Variants in ELF2 observed in about 807,000 individuals in gnomAD.
ELF2 encodes the protein ETS-related transcription factor Elf-2.
ELF2 carries 11 observed loss-of-function variants against 54.8 expected under a neutral mutation model. The ratio of observed to expected loss-of-function variants is 0.20; its 90% CI spans 0.13 to 0.33. The LOEUF is 0.33. Among genes scored for constraint, ELF2 ranks in the 10% least tolerant of loss-of-function variants. The pLI is 1.00. For missense variants in ELF2, 513 were observed against 703.0 expected (o/e 0.73, Z 3.06); for synonymous variants, 203 against 245.1 (o/e 0.83, Z 1.61).
intron 2 of ELF2, among the ~76,000 whole-genome samples, chr4:139,138,415 C>CA (rs576340729): frequency 0.045 from 5,646 of 125,402 alleles, 106 homozygotes; most frequent in South Asian, 0.066. Context: ...GATTCCACCT[C>CA]AAAAAAAAAA....
At chr4:139,147,732 C>T (rs1739382763) in intron 1 of ELF2, among the ~76,000 whole-genome samples, 1 of 151,906 alleles carries the variant, frequency 6.6e-6, no homozygotes, top group African/African-American at 2.4e-5. Context: ...CCTCGGCCTC[C>T]CAAAGTGCTG....
At chr4:139,095,807 G>A (rs978278933) in intron 4 of ELF2, among the ~76,000 whole-genome samples, 42 of 152,280 alleles carry the variant, frequency 2.8e-4, no homozygotes, top group Admixed American at 1.3e-3. Context: ...CACTTTGGGA[G>A]GCCAAGGCGG....
chr4:139,070,539 C>A (rs1364351394), intron 6 of ELF2, among the ~76,000 whole-genome samples: 1 of 152,158 alleles, frequency 6.6e-6, no homozygotes, highest in East Asian at 1.9e-4. Context: ...GATCCACCCA[C>A]CTCAGACCCC....
intron 1 of ELF2, among the ~76,000 whole-genome samples, chr4:139,159,651 A>T (rs1300970039): frequency 6.6e-6 from 1 of 152,010 alleles, no homozygotes; most frequent in Non-Finnish European, 1.5e-5. Context: ...CATTGTCCTG[A>T]AATGATGGGA....
chr4:139,134,492 G>T (rs1011057659), intron 3 of ELF2, among the ~76,000 whole-genome samples: 1 of 151,118 alleles, frequency 6.6e-6, no homozygotes, highest in African/African-American at 2.5e-5. Context: ...AAGTACCTGG[G>T]ACTCCAGGTG....
intron 4 of ELF2, among the ~76,000 whole-genome samples, chr4:139,109,415 C>A (rs554237949): frequency 6.6e-6 from 1 of 152,198 alleles, no homozygotes; most frequent in East Asian, 1.9e-4. Flanking sequence ...GAATTTTAGT[C>A]CCTTGGCTAT....
At chr4:139,122,401 A>C (rs1055433558) in intron 4 of ELF2, among the ~76,000 whole-genome samples, 1 of 152,236 alleles carries the variant, frequency 6.6e-6, no homozygotes, top group South Asian at 2.1e-4. Flanking sequence ...TATGCATACC[A>C]ATCTTTATTC....
chr4:139,071,815 T>C (rs372167044), intron 6 of ELF2, 51 bp downstream of exon 6: 3 of 1,525,964 alleles, frequency 2.0e-6, no homozygotes, highest in Non-Finnish European at 2.6e-6. Flanking sequence ...AGGAAAAAGA[T>C]AAGAGAAAAA....
At chr4:139,164,962 C>T (rs989341959) in intron 1 of ELF2, among the ~76,000 whole-genome samples, 2 of 152,346 alleles carry the variant, frequency 1.3e-5, no homozygotes, top group East Asian at 1.9e-4. Context: ...CTTGGACACA[C>T]ACTCTTCCTG....
At chr4:139,171,115 C>T (rs974960651) in intron 1 of ELF2, among the ~76,000 whole-genome samples, 2 of 152,110 alleles carry the variant, frequency 1.3e-5, no homozygotes, top group Admixed American at 6.5e-5. Context: ...GGGTCAGACA[C>T]GGTGGCTCAT....
intron 4 of ELF2, among the ~76,000 whole-genome samples, chr4:139,121,945 A>G (rs1391622799): frequency 6.6e-6 from 1 of 152,260 alleles, no homozygotes; most frequent in Non-Finnish European, 1.5e-5. Context: ...TACTAACAAA[A>G]GAGAAATTCT....
intron 7 of ELF2, among the ~76,000 whole-genome samples, chr4:139,064,346 C>T (rs550157485): frequency 3.4e-4 from 52 of 152,180 alleles, no homozygotes; most frequent in African/African-American, 1.1e-3. Flanking sequence ...AGTCCTGAGA[C>T]GAAAAAGATA....
At chr4:139,085,222 T>A (rs941424316) in intron 4 of ELF2, among the ~76,000 whole-genome samples, 3 of 152,180 alleles carry the variant, frequency 2.0e-5, no homozygotes, top group African/African-American at 7.2e-5. Context: ...CAAACCAATA[T>A]AATGACGAAT....
chr4:139,148,196 G>T (rs1333678890), intron 1 of ELF2, among the ~76,000 whole-genome samples: 4 of 150,966 alleles, frequency 2.6e-5, no homozygotes, highest in East Asian at 1.9e-4. Context: ...TGATTTTTTT[G>T]GGGGGGTGGG....
intron 4 of ELF2, among the ~76,000 whole-genome samples, chr4:139,083,774 T>A (rs946533569): frequency 6.6e-6 from 1 of 152,064 alleles, no homozygotes; most frequent in Non-Finnish European, 1.5e-5. Flanking sequence ...CACTTCCTGG[T>A]TCCTCAGCAA....
intron 4 of ELF2, among the ~76,000 whole-genome samples, chr4:139,101,292 TAA>T (rs1457776201): frequency 6.6e-6 from 1 of 151,952 alleles, no homozygotes; most frequent in East Asian, 1.9e-4. Context: ...CTAGTTCACA[TAA>T]AAAAAACACA....
Position 139,137,638 on chromosome 4 carries a change from T to G in ELF2, c.64A>C (p.Asn22His), listed in dbSNP as rs143646280. ...ILELSSNGVE[N>H]QEESEKVSEY... ...TTCATTGAATGCCTAACCTCTTGAT[T>G]TTCTACTCCATTGCTGGAAAGCTCC... Residue 22 changes from asparagine to histidine, a missense_variant, in exon 3 of 10, where the codon AAT becomes CAT. Transcript: ENST00000686138. The G allele has an allele frequency of 5.5e-5, 89 of 1,613,902 alleles. No homozygotes were observed. The African/African-American group carries it at 1.0e-3, about 19-fold the overall frequency.
chr4:139,111,626 C>T (rs977772512), intron 4 of ELF2, among the ~76,000 whole-genome samples: 2 of 151,834 alleles, frequency 1.3e-5, no homozygotes, highest in East Asian at 1.9e-4. Flanking sequence ...AATCAGGACT[C>T]GCTGTTTTGA....
chr4:139,127,074 G>GT (rs1277667597), intron 3 of ELF2, among the ~76,000 whole-genome samples: 1 of 152,166 alleles, frequency 6.6e-6, no homozygotes, highest in African/African-American at 2.4e-5. Flanking sequence ...AGAATGTCCA[G>GT]ATCAGTCTGT....
Sources: allele counts gnomAD v4.1 joint callset (sites outside exome capture counted in the v4.1 genomes callset), GRCh38; gene constraint gnomAD v4.1.1; transcripts MANE v1.5; gene names NCBI Gene and HGNC (gene_info 2026-07-23, HGNC 2026-07-21).